Variants in BCAS3 observed in about 807,000 individuals in gnomAD.
The protein encoded by BCAS3 is BCAS3 microtubule associated cell migration factor.
BCAS3 carries 53 observed loss-of-function variants against 116.1 expected under a neutral mutation model. The observed-to-expected ratio is 0.46, with a 90% confidence interval of 0.37 to 0.57. BCAS3 has a LOEUF of 0.57. Among genes scored for constraint, BCAS3 ranks in the 20% least tolerant of loss-of-function variants. The pLI is 0.00. For missense variants in BCAS3, 917 were observed against 1,165.4 expected, an observed-to-expected ratio of 0.79 and a Z score of 3.10; for synonymous variants, 391 against 408.2, an observed-to-expected ratio of 0.96 and a Z score of 0.51.
At position 60,974,994 on chromosome 17, in the gene BCAS3, T is replaced by TC. The variant is rs202056805; in HGVS notation, c.1222-14977_1222-14976insC. 7.4e-3 allele frequency among the ~76,000 whole-genome samples: 1,085 copies of TC among 147,596 alleles called. 28 individuals are homozygous for TC. The highest frequency in any genetic ancestry group is 0.026 in the African/African-American group (987 of 37,640). ...ATTTGTTTTTTTTGTTTTTTTTGCT[T>TC]TTTTGTTTTTTTTTTTTTGAGACGG... On this transcript the variant is annotated intron_variant, in intron 14 of 23. Coordinates refer to ENST00000407086, the MANE Select transcript of BCAS3 (RefSeq NM_017679.5).
rs569377552 is a variant in BCAS3, at chr17:61,355,049, G to A, written c.2426-13278G>A. 2 of 141,906 alleles carry A rather than the reference G, an allele frequency of 1.4e-5. No homozygotes were observed. The highest frequency in any genetic ancestry group is 5.0e-5 in the African/African-American group (2 of 39,732). 8.8% of individuals were successfully genotyped at this position (141,906 alleles called of 1,614,324 possible). Reference sequence around the variant, plus strand: ...CTGCTCTTTGAAATTCCCAAGGCCAGCAGGGGGCCCAGGCCTGCAAAGCTG... The same window carrying A: ...CTGCTCTTTGAAATTCCCAAGGCCAACAGGGGGCCCAGGCCTGCAAAGCTG... On this transcript the variant is annotated intron_variant, in intron 22 of 23. Transcript: ENST00000407086. This position sits in a 1 kb window ranked among gnomAD's most constrained non-coding sequence, Gnocchi z 4.2.
In BCAS3 at chr17:61,285,038, G is replaced by T. The variant is rs2051617772; in HGVS notation, c.2426-83289G>T. 6.6e-6 allele frequency among the ~76,000 whole-genome samples: 1 copy of T among 152,152 alleles called. No homozygotes were observed. Among genetic ancestry groups the T allele is most frequent in the African/African-American group, 2.4e-5 (1 of 41,432 alleles). The stretch of plus-strand genomic sequence containing the variant: ...GAAAGCTTTGCTGCCCTAAATTCCT[G>T]TCCTTGGTCTCTGTTGGGACCATGC... On this transcript the variant is annotated intron_variant, in intron 22 of 23. Coordinates refer to ENST00000407086, the MANE Select transcript of BCAS3 (RefSeq NM_017679.5). This position sits in a 1 kb window ranked among gnomAD's most constrained non-coding sequence, Gnocchi z 5.4.
intron 9 of BCAS3, among the ~76,000 whole-genome samples, chr17:60,876,789 C>T (rs1015051259): frequency 2.6e-5 from 4 of 151,934 alleles, no homozygotes; most frequent in Non-Finnish European, 5.9e-5. Context: ...ATCTGTTTGC[C>T]GCTAGACAGT....
chr17:60,881,459 C>G (rs1032751847), intron 9 of BCAS3, among the ~76,000 whole-genome samples: 2 of 150,078 alleles, frequency 1.3e-5, no homozygotes, highest in African/African-American at 4.9e-5. Flanking sequence ...TTTTATTATA[C>G]TTTAAGTTTT....
chr17:60,783,631 AAAAC>A (rs565313932), intron 6 of BCAS3, among the ~76,000 whole-genome samples: 5 of 152,204 alleles, frequency 3.3e-5, no homozygotes, highest in South Asian at 2.1e-4. Flanking sequence ...AAATTCTTTA[AAAAC>A]AAACAAACAA....
intron 22 of BCAS3, among the ~76,000 whole-genome samples, chr17:61,299,141 A>G (rs780462916): frequency 3.3e-5 from 5 of 151,692 alleles, no homozygotes; most frequent in African/African-American, 4.8e-5. Context: ...AAATGTAGAT[A>G]GCAAAAGATG....
intron 10 of BCAS3, among the ~76,000 whole-genome samples, chr17:60,899,083 G>T (rs1410282265): frequency 6.6e-6 from 1 of 152,132 alleles, no homozygotes; most frequent in African/African-American, 2.4e-5. Context: ...GCTCCCCAAT[G>T]ATGAGAGCAG....
intron 22 of BCAS3, among the ~76,000 whole-genome samples, chr17:61,272,628 C>T (rs1338856939): frequency 1.0e-5 from 1 of 100,166 alleles, no homozygotes. Flanking sequence ...CAGAGTGAAA[C>T]CCTGTCTCAA....
intron 22 of BCAS3, among the ~76,000 whole-genome samples, chr17:61,192,707 C>T (rs2080220314): frequency 6.6e-6 from 1 of 152,112 alleles, no homozygotes; most frequent in African/African-American, 2.4e-5. Flanking sequence ...AAAGAAAATC[C>T]TTTAAAAATG....
chr17:61,266,690 CA>C (rs1371439834), intron 22 of BCAS3, among the ~76,000 whole-genome samples: 9 of 152,292 alleles, frequency 5.9e-5, no homozygotes, highest in Admixed American at 4.6e-4. Flanking sequence ...CTAATTGCCA[CA>C]ATTAGTATGA....
At chr17:60,882,412 G>GT (rs1384808764) in intron 9 of BCAS3, among the ~76,000 whole-genome samples, 25 of 149,296 alleles carry the variant, frequency 1.7e-4, no homozygotes, top group African/African-American at 5.5e-4. Flanking sequence ...TCTGACGGTA[G>GT]TTTCTTTTGC....
chr17:61,176,164 A>AGG (rs1290321440), intron 22 of BCAS3, among the ~76,000 whole-genome samples: 11 of 149,618 alleles, frequency 7.4e-5, no homozygotes, highest in African/African-American at 2.2e-4. Flanking sequence ...AAAAAAAAGA[A>AGG]AAAGAAAAAG....
chr17:60,903,314 A>G (rs1438660660), intron 11 of BCAS3, among the ~76,000 whole-genome samples: 2 of 152,240 alleles, frequency 1.3e-5, no homozygotes, highest in African/African-American at 4.8e-5. Flanking sequence ...GTGGGAATCA[A>G]AGGTCACACT....
chr17:61,157,695 T>G (rs1320520655), intron 22 of BCAS3, among the ~76,000 whole-genome samples: 4 of 145,584 alleles, frequency 2.7e-5, no homozygotes, highest in African/African-American at 1.0e-4. Context: ...GTGGAGAGGC[T>G]CGCCAGCAGG....
rs1010060348 is a variant in BCAS3 at position 61,349,960 on chromosome 17, C to T, written c.2426-18367C>T. On this transcript the variant is annotated intron_variant, in intron 22 of 23. Transcript: ENST00000407086. This position sits in a 1 kb window ranked among gnomAD's most constrained non-coding sequence, Gnocchi z 4.7. ...TTTCTGAATAGTTAAGATCAATAAT[C>T]TCTCCTGAACAATTGGCTTTGGGAC... Among the ~76,000 whole-genome samples, 1 of 152,182 alleles carries T rather than the reference C, an allele frequency of 6.6e-6. No individual in the cohort carries two copies. The highest frequency in any genetic ancestry group is 1.5e-5 in the Non-Finnish European group (1 of 68,030).
chr17:61,210,140 C>G (rs1299257478), intron 22 of BCAS3, among the ~76,000 whole-genome samples: 1 of 152,180 alleles, frequency 6.6e-6, no homozygotes, highest in African/African-American at 2.4e-5. Flanking sequence ...GGGACTGTGT[C>G]AGATTTCACA....
chr17:61,158,537 C>T (rs1313830674), intron 22 of BCAS3, among the ~76,000 whole-genome samples: 1 of 152,116 alleles, frequency 6.6e-6, no homozygotes, highest in Non-Finnish European at 1.5e-5. Flanking sequence ...GAATCTTTAA[C>T]TGAGGTTAGA....
chr17:60,720,025 A>G (rs2039062666), intron 5 of BCAS3: 1 of 152,248 alleles, frequency 6.6e-6, no homozygotes. Flanking sequence ...AAAATTGTAT[A>G]GCATATTGTC....
At chr17:60,685,033 T>G (rs1242474551) in intron 3 of BCAS3, among the ~76,000 whole-genome samples, 2 of 151,964 alleles carry the variant, frequency 1.3e-5, no homozygotes, top group African/African-American at 4.8e-5. Flanking sequence ...AGGAATAGAG[T>G]GGAATAAAAT....
Sources: gnomAD v4.1 joint callset for allele counts (sites outside exome capture counted in the v4.1 genomes callset) on GRCh38, gnomAD v4.1.1 for gene constraint, Gnocchi (gnomAD v3.1) non-coding constraint, MANE v1.5 for transcripts, NCBI Gene and HGNC (gene_info 2026-07-23, HGNC 2026-07-21) for gene names.